Variants in UBE2H observed in about 807,000 individuals in gnomAD.
UBE2H encodes ubiquitin conjugating enzyme E2 H.
UBE2H carries 3 observed loss-of-function variants against 29.0 expected under a neutral mutation model. That is an observed-to-expected ratio of 0.10 (90% confidence interval 0.05 to 0.27). The LOEUF is 0.27. Among genes scored for constraint, UBE2H ranks in the 10% least tolerant of loss-of-function variants. The probability of loss-of-function intolerance (pLI) is 1.00; values close to 1 mark genes in which losing one functional copy is unlikely to be tolerated. For missense variants in UBE2H, 68 were observed against 228.2 expected, an observed-to-expected ratio of 0.30 and a Z score of 4.52; for synonymous variants, 69 against 82.9, an observed-to-expected ratio of 0.83 and a Z score of 0.91.
chr7:129,892,788 T>C (rs1344473989), intron 1 of UBE2H, among the ~76,000 whole-genome samples: 1 of 152,024 alleles, frequency 6.6e-6, no homozygotes, highest in Non-Finnish European at 1.5e-5. Context: ...TCCTTTAAAA[T>C]GTATCTATAG....
intron 3 of UBE2H, among the ~76,000 whole-genome samples, chr7:129,862,815 G>A (rs1363661633): frequency 6.6e-6 from 1 of 152,162 alleles, no homozygotes; most frequent in Non-Finnish European, 1.5e-5. Flanking sequence ...GGAGATGGGG[G>A]GGCCACTGAG....
At chr7:129,906,627 C>T (rs1052292069) in intron 1 of UBE2H, among the ~76,000 whole-genome samples, 2 of 151,956 alleles carry the variant, frequency 1.3e-5, no homozygotes, top group African/African-American at 4.8e-5. Context: ...AACAAGTATG[C>T]AATGTCTTAC....
intron 1 of UBE2H, among the ~76,000 whole-genome samples, chr7:129,886,476 T>C (rs942567653): frequency 1.3e-5 from 2 of 152,192 alleles, no homozygotes; most frequent in African/African-American, 4.8e-5. Context: ...CCAAAGGCAA[T>C]GTCTGGGCCT....
At chr7:129,851,549 T>C (rs1805609724) in intron 5 of UBE2H, among the ~76,000 whole-genome samples, 1 of 152,190 alleles carries the variant, frequency 6.6e-6, no homozygotes, top group African/African-American at 2.4e-5. Context: ...AACTCAGTAA[T>C]CGTAAGTGAA....
chr7:129,890,309 GTATATATGTATGTA>G (rs1280160748), intron 1 of UBE2H, among the ~76,000 whole-genome samples: 1 of 150,846 alleles, frequency 6.6e-6, no homozygotes, highest in Non-Finnish European at 1.5e-5. Context: ...ATACATACGT[GTATATATGTATGTA>G]TATATACGTG....
chr7:129,936,983 T>TAACA (rs771229560), intron 1 of UBE2H, among the ~76,000 whole-genome samples: 70 of 141,384 alleles, frequency 5.0e-4, no homozygotes, highest in African/African-American at 1.8e-3. Context: ...CATATCAAAA[T>TAACA]AACAAACAAA....
intron 5 of UBE2H, among the ~76,000 whole-genome samples, chr7:129,843,820 T>C (rs1475534708): frequency 6.6e-6 from 1 of 152,192 alleles, no homozygotes; most frequent in Non-Finnish European, 1.5e-5. Context: ...TTATTACAGG[T>C]GCTGCTCAAA....
chr7:129,862,926 C>T (rs1476423254), intron 3 of UBE2H, among the ~76,000 whole-genome samples: 1 of 152,174 alleles, frequency 6.6e-6, no homozygotes, highest in African/African-American at 2.4e-5. Context: ...CTCACAGCAC[C>T]TGAGTGCTGG....
At chr7:129,879,842 T>C (rs1192245900) in intron 2 of UBE2H, among the ~76,000 whole-genome samples, 200 bp from the exon 3 acceptor site, 1 of 152,214 alleles carries the variant, frequency 6.6e-6, no homozygotes. Flanking sequence ...AGTTAAAAAA[T>C]AAGCAGATTC....
chr7:129,931,248 C>T (rs926742953), intron 1 of UBE2H, among the ~76,000 whole-genome samples: 2 of 151,358 alleles, frequency 1.3e-5, no homozygotes, highest in African/African-American at 2.4e-5. Context: ...AATTGCCACG[C>T]GTGGTGGTAT....
intron 1 of UBE2H, among the ~76,000 whole-genome samples, chr7:129,916,872 C>T (rs1965568): frequency 0.062 from 9,461 of 152,080 alleles, 361 homozygotes; most frequent in Non-Finnish European, 0.091. Context: ...CCCATCTCTA[C>T]CAAAAATACA....
intron 1 of UBE2H, among the ~76,000 whole-genome samples, chr7:129,899,930 C>G (rs1806675248): frequency 6.6e-6 from 1 of 152,068 alleles, no homozygotes; most frequent in Non-Finnish European, 1.5e-5. Context: ...GAGTACGAGA[C>G]CAGCCTAGCC....
Position 129,870,830 on chromosome 7 carries a change from GAACTCAACCCTGCCTGCCAC to G in UBE2H, c.205+8718_205+8737del, listed in dbSNP as rs573513809. Reference sequence around the variant, plus strand: ...TAACCTGGCCTACAAAGCGGTCTGTGAACTCAACCCTGCCTGCCACTTGGCCCGTGTGTCACACACCTCAC... The same window carrying G: ...TAACCTGGCCTACAAAGCGGTCTGTGTTGGCCCGTGTGTCACACACCTCAC... On this transcript the variant is annotated intron_variant, in intron 3 of 6. Coordinates refer to ENST00000355621, the MANE Select transcript of UBE2H (RefSeq NM_003344.4). Among the ~76,000 whole-genome samples the G allele has an allele frequency of 1.7e-3, 252 of 152,258 alleles. 2 individuals are homozygous for G. Among genetic ancestry groups the G allele is most frequent in the African/African-American group, 5.8e-3 (240 of 41,554 alleles).
At chr7:129,873,418 T>A (rs1806082357) in intron 3 of UBE2H, among the ~76,000 whole-genome samples, 1 of 146,388 alleles carries the variant, frequency 6.8e-6, no homozygotes, top group Non-Finnish European at 1.5e-5. Context: ...GCCACTAACA[T>A]CAAATTCTTT....
chr7:129,928,595 T>C (rs1450991062), intron 1 of UBE2H, among the ~76,000 whole-genome samples: 1 of 152,204 alleles, frequency 6.6e-6, no homozygotes, highest in African/African-American at 2.4e-5. Context: ...AAAGCGAGAC[T>C]CCGTCTCAAA....
At chr7:129,872,845 CAAAAAAAAAAAAAAAAA>C (rs34001143) in intron 3 of UBE2H, among the ~76,000 whole-genome samples, 4 of 71,992 alleles carry the variant, frequency 5.6e-5, no homozygotes, top group African/African-American at 1.0e-4. Context: ...CACTCCGTCT[CAAAAAAAAAAAAAAAAA>C]AAAAAAAAAA....
At chr7:129,890,309 GTATA>G (rs1309897575) in intron 1 of UBE2H, among the ~76,000 whole-genome samples, 1 of 150,846 alleles carries the variant, frequency 6.6e-6, no homozygotes, top group Admixed American at 6.6e-5. Context: ...ATACATACGT[GTATA>G]TATGTATGTA....
At chr7:129,853,152 A>T (rs1393192522) in intron 5 of UBE2H, among the ~76,000 whole-genome samples, 1 of 152,188 alleles carries the variant, frequency 6.6e-6, no homozygotes, top group East Asian at 1.9e-4. Context: ...GATGAGAGAG[A>T]GATTAAAGCT....
Position 129,952,595 on chromosome 7 carries a change from T to C in UBE2H, c.-40A>G. On this transcript the variant is annotated 5_prime_UTR_variant, in exon 1 of 7. Transcript: ENST00000355621. Reference sequence around the variant, plus strand: ...CTCTCTCCCTTCCTCGGCCCGTCTGTCACGGGCCCGGGGCCCCGGCTCTGA... The same window carrying C: ...CTCTCTCCCTTCCTCGGCCCGTCTGCCACGGGCCCGGGGCCCCGGCTCTGA... 6.2e-7 allele frequency: 1 copy of C among 1,604,366 alleles called. No homozygotes were observed. The highest frequency in any genetic ancestry group is 8.5e-7 in the Non-Finnish European group (1 of 1,177,026).
Sources: allele counts gnomAD v4.1 joint callset (sites outside exome capture counted in the v4.1 genomes callset), GRCh38; gene constraint gnomAD v4.1.1; transcripts MANE v1.5; gene names NCBI Gene and HGNC (gene_info 2026-07-23, HGNC 2026-07-21).